SYT9: variants seen among roughly 807,000 people sequenced by gnomAD.
SYT9 encodes the protein synaptotagmin 9.
Under a neutral mutation model 48.4 loss-of-function variants are expected in SYT9, and 22 were observed. The ratio of observed to expected loss-of-function variants is 0.45; its 90% confidence interval spans 0.32 to 0.65. The LOEUF (loss-of-function observed/expected upper bound fraction) is 0.65. Ranked by LOEUF, SYT9 falls within the 30% of genes least tolerant of loss-of-function variation. The probability of loss-of-function intolerance (pLI) is 0.03; values close to 1 mark genes in which losing one functional copy is unlikely to be tolerated. For missense variants in SYT9, 577 were observed against 622.0 expected (o/e 0.93, Z 0.77); for synonymous variants, 265 against 245.0 (o/e 1.08, Z -0.76).
intron 3 of SYT9, among the ~76,000 whole-genome samples, chr11:7,386,407 G>A (rs944214759): frequency 6.6e-5 from 10 of 150,814 alleles, no homozygotes; most frequent in African/African-American, 2.4e-4. Context: ...ATCTGACAAA[G>A]GGCTAATATC....
intron 3 of SYT9, among the ~76,000 whole-genome samples, chr11:7,355,877 A>G (rs1459711435): frequency 1.3e-5 from 2 of 152,218 alleles, no homozygotes; most frequent in Admixed American, 1.3e-4. Flanking sequence ...GCTCCCAAAT[A>G]TACCAGGAGC....
chr11:7,400,580 A>G (rs894839500), intron 3 of SYT9, among the ~76,000 whole-genome samples: 4 of 152,204 alleles, frequency 2.6e-5, no homozygotes, highest in Non-Finnish European at 4.4e-5. Flanking sequence ...AGATGACATC[A>G]TGAAAATGTG....
At chr11:7,361,484 A>T (rs1399417525) in intron 3 of SYT9, among the ~76,000 whole-genome samples, 2 of 152,128 alleles carry the variant, frequency 1.3e-5, no homozygotes, top group African/African-American at 2.4e-5. Flanking sequence ...ATGATTCCTT[A>T]AAAAAATTAT....
At chr11:7,456,228 C>T (rs973018620) in intron 6 of SYT9, among the ~76,000 whole-genome samples, 1 of 152,254 alleles carries the variant, frequency 6.6e-6, no homozygotes, top group African/African-American at 2.4e-5. Context: ...TTTGGACTTA[C>T]TGCAGACCTT....
intron 1 of SYT9, among the ~76,000 whole-genome samples, chr11:7,265,730 T>C (rs1848168507): frequency 6.6e-6 from 1 of 151,970 alleles, no homozygotes; most frequent in East Asian, 1.9e-4. Flanking sequence ...ACAGCTACTA[T>C]TGGCACAATT....
intron 4 of SYT9, 103 bp from the exon 5 acceptor site, chr11:7,417,854 G>A: frequency 1.7e-6 from 2 of 1,191,112 alleles, no homozygotes; most frequent in Non-Finnish European, 1.2e-6. Context: ...GGCAGGTAAA[G>A]GAGTTCAGCA....
chr11:7,310,895 G>T lies in SYT9; in HGVS notation c.498-2500G>T, dbSNP rs144226044. Among the ~76,000 whole-genome samples, 9 of 152,352 alleles carry T rather than the reference G, an allele frequency of 5.9e-5. No individual in the cohort carries two copies. The East Asian group carries it at 1.7e-3, about 29-fold the overall frequency. ...GCTGGCAATCCACTTTGGTTAGGAA[G>T]AGCTGAGCATGTGGGACAATTTATC... is the stretch of plus-strand genomic sequence containing the variant. On this transcript the variant is annotated intron_variant, in intron 2 of 6. Transcript: ENST00000318881.
chr11:7,264,242 G>A (rs781471016), intron 1 of SYT9, among the ~76,000 whole-genome samples: 9 of 152,042 alleles, frequency 5.9e-5, no homozygotes, highest in Non-Finnish European at 1.3e-4. Context: ...TTAGGAGAGT[G>A]GAAGAGCAAA....
chr11:7,288,163 G>A (rs1167775919), intron 1 of SYT9, among the ~76,000 whole-genome samples: 1 of 152,084 alleles, frequency 6.6e-6, no homozygotes, highest in African/African-American at 2.4e-5. Flanking sequence ...AACCCTGGGA[G>A]GGACCCCAGA....
At chr11:7,350,951 C>A (rs940962103) in intron 3 of SYT9, among the ~76,000 whole-genome samples, 3 of 152,134 alleles carry the variant, frequency 2.0e-5, no homozygotes, top group African/African-American at 7.2e-5. Flanking sequence ...GGGATGGTCA[C>A]TTATGGAGTG....
At chr11:7,451,426 T>C (rs1848045398) in intron 6 of SYT9, among the ~76,000 whole-genome samples, 1 of 152,238 alleles carries the variant, frequency 6.6e-6, no homozygotes, top group South Asian at 2.1e-4. Context: ...CTATCTTAGC[T>C]TGAAAAGGCC....
chr11:7,351,492 C>G (rs887650685), intron 3 of SYT9, among the ~76,000 whole-genome samples: 4 of 152,170 alleles, frequency 2.6e-5, no homozygotes, highest in African/African-American at 9.7e-5. Flanking sequence ...CGGACTGGAG[C>G]TCCAGACTGC....
rs372393304 is a variant in SYT9 at position 7,461,037 on chromosome 11, T to C, written c.1468-5755T>C. Among the ~76,000 whole-genome samples, 8 of 152,230 alleles carry C rather than the reference T, an allele frequency of 5.3e-5. No individual in the cohort carries two copies. In the East Asian group the frequency reaches 1.2e-3, roughly 22 times the overall value. ...GAGCTATGAATTAATAAGGCAAGTTTCTTCTTCTGGTTGGCTTCTGCTTGC... is the reference window on the plus strand; with the variant it reads ...GAGCTATGAATTAATAAGGCAAGTTCCTTCTTCTGGTTGGCTTCTGCTTGC... On this transcript the variant is annotated intron_variant, in intron 6 of 6. Transcript: ENST00000318881.
chr11:7,272,918 G>A (rs140490408), intron 1 of SYT9, among the ~76,000 whole-genome samples: 2,524 of 152,278 alleles, frequency 0.017, 25 homozygotes, highest in Middle Eastern at 0.041. Context: ...CAATGAGTTA[G>A]GATTGGTGGA....
intron 3 of SYT9, among the ~76,000 whole-genome samples, chr11:7,360,574 T>C (rs1019424449): frequency 3.9e-5 from 6 of 151,966 alleles, no homozygotes; most frequent in Admixed American, 2.0e-4. Flanking sequence ...TCACGTCCCT[T>C]GTAAGGTGGA....
rs374634589 is a variant in SYT9 at position 7,348,989 on chromosome 11, G to A, written c.1044+35048G>A. 6.1e-4 allele frequency among the ~76,000 whole-genome samples: 93 copies of A among 152,064 alleles called. 1 individual carries two copies. The East Asian group carries it at 0.015, about 24-fold the overall frequency. ...GCGGGCTGGGGGTGGGAAGATGGCT[G>A]TACTGCTGGGCTGTCAGGCAGAGGG... is the stretch of plus-strand genomic sequence containing the variant. On this transcript the variant is annotated intron_variant, in intron 3 of 6. Transcript: ENST00000318881.
chr11:7,458,697 G>A (rs1302682641), intron 6 of SYT9, among the ~76,000 whole-genome samples: 1 of 152,132 alleles, frequency 6.6e-6, no homozygotes, highest in Non-Finnish European at 1.5e-5. Context: ...CAATACAAAG[G>A]CCTTAAGGAG....
chr11:7,273,324 T>G (rs910474757), intron 1 of SYT9, among the ~76,000 whole-genome samples: 11 of 82,438 alleles, frequency 1.3e-4, no homozygotes, highest in South Asian at 6.7e-4. Context: ...ATACTGAGGT[T>G]TTTTTCTTTT....
intron 3 of SYT9, among the ~76,000 whole-genome samples, chr11:7,388,346 T>A (rs1373023853): frequency 6.6e-6 from 1 of 152,216 alleles, no homozygotes; most frequent in Non-Finnish European, 1.5e-5. Context: ...TGTTGTATTT[T>A]CAACCATGAC....
Sources: gnomAD v4.1 joint callset for allele counts (sites outside exome capture counted in the v4.1 genomes callset) on GRCh38, gnomAD v4.1.1 for gene constraint, MANE v1.5 for transcripts, NCBI Gene and HGNC (gene_info 2026-07-23, HGNC 2026-07-21) for gene names.